The following SRRM1 variants were observed in gnomAD, a reference collection of about 807,000 sequenced individuals.
SRRM1 encodes serine and arginine repetitive matrix 1.
SRRM1 carries 19 observed loss-of-function variants against 110.2 expected under a neutral mutation model. The ratio of observed to expected loss-of-function variants is 0.17; its 90% CI spans 0.12 to 0.25. The LOEUF is 0.25. Ranked by LOEUF, SRRM1 falls within the 10% of genes least tolerant of loss-of-function variation. SRRM1 has a pLI of 1.00. For missense variants in SRRM1, 918 were observed against 1,145.8 expected, an observed-to-expected ratio of 0.80 and a Z score of 2.87; for synonymous variants, 443 against 414.9, an observed-to-expected ratio of 1.07 and a Z score of -0.82.
chr1:24,667,192 A>G (rs1040624483), intron 13 of SRRM1, among the ~76,000 whole-genome samples: 1 of 152,236 alleles, frequency 6.6e-6, no homozygotes, highest in Non-Finnish European at 1.5e-5. Flanking sequence ...AAAAGTCTAG[A>G]ATACACAAAT....
At chr1:24,666,043 A>G (rs1315968935) in intron 12 of SRRM1, among the ~76,000 whole-genome samples, 1 of 152,188 alleles carries the variant, frequency 6.6e-6, no homozygotes, top group Non-Finnish European at 1.5e-5. Context: ...TTGATTCCTA[A>G]TAAGGAATTA....
At chr1:24,657,954 GATTAATA>G (rs944861771) in intron 9 of SRRM1, among the ~76,000 whole-genome samples, 67 of 152,224 alleles carry the variant, frequency 4.4e-4, no homozygotes, top group African/African-American at 1.6e-3. Flanking sequence ...GCAGGTCTAA[GATTAATA>G]ATTAATAGGA....
rs1340860063 is a variant in SRRM1, at chr1:24,655,013, G to A, written c.1199G>A (p.Arg400Lys). The A allele has an allele frequency of 1.9e-6, 3 of 1,614,042 alleles. No individual in the cohort carries two copies. The highest frequency in any genetic ancestry group is 2.5e-6 in the Non-Finnish European group (3 of 1,180,040). Residue 400 changes from arginine to lysine, a missense_variant, in exon 9 of 17, where the codon AGG (arginine) becomes AAG (lysine). Around this residue, in one of 5 missense-constraint regions of SRRM1, gnomAD observed 456 missense variants for 453.5 expected, o/e 1.01. Coordinates refer to ENST00000323848, the MANE Select transcript of SRRM1 (RefSeq NM_005839.4). ...GCAAGTCCTCCAAGGCGAAGGCACA[G>A]GCCATCACCTCCTGCAACTCCACCA... Reference protein sequence around the residue: ...PSASPPRRRHRPSPPATPPPK... With the variant: ...PSASPPRRRHKPSPPATPPPK...
In SRRM1 at chr1:24,655,130, G is replaced by A; in HGVS notation, c.1315+1G>A. 1.2e-6 allele frequency: 2 copies of A among 1,613,506 alleles called. No individual in the cohort carries two copies. The highest frequency in any genetic ancestry group is 8.5e-7 in the Non-Finnish European group (1 of 1,179,652). The stretch of plus-strand genomic sequence containing the variant: ...TCTCCAGGGAGAACTTCAGGTAAAG[G>A]TAAAAATCAAACACATATGAAACAT... On this transcript the variant is annotated splice_donor_variant, in intron 9 of 16. Transcript: ENST00000323848. LOFTEE classifies it high-confidence loss of function.
At position 24,654,813 on chromosome 1, in the gene SRRM1, T is replaced by C. The variant is rs747265895; in HGVS notation, c.1041-42T>C. 4 of 1,611,108 alleles carry C rather than the reference T, an allele frequency of 2.5e-6. No homozygotes were observed. The African/African-American group carries it at 5.3e-5, about 22-fold the overall frequency. ...TGTTCATACCTGTAAGGCCGTTCTT[T>C]ATAAGTGTGCAATTAGTGAATATGA... On this transcript the variant is annotated intron_variant, in intron 8 of 16. Transcript: ENST00000323848.
chr1:24,666,687 C>T (rs1163781705), intron 12 of SRRM1, 128 bp from the exon 13 acceptor site: 15 of 654,776 alleles, frequency 2.3e-5, no homozygotes, highest in Non-Finnish European at 3.4e-5. Context: ...ATTGCTTGAA[C>T]CTGGGAGGCG....
At chr1:24,653,662 A>G (rs745563521) in intron 8 of SRRM1, among the ~76,000 whole-genome samples, 4 of 152,204 alleles carry the variant, frequency 2.6e-5, no homozygotes, top group South Asian at 2.1e-4. Flanking sequence ...TAAAATGAGC[A>G]TAAGATAAAA....
At chr1:24,645,417 A>G (rs146389668) in intron 1 of SRRM1, among the ~76,000 whole-genome samples, 38 of 152,342 alleles carry the variant, frequency 2.5e-4, no homozygotes, top group African/African-American at 8.2e-4. Context: ...CTAAGGTAGT[A>G]TTTGTAAGCT....
chr1:24,660,814 T>C lies in SRRM1; in HGVS notation c.1396+15T>C, dbSNP rs1199963948. On this transcript the variant is annotated intron_variant, in intron 10 of 16. Coordinates refer to ENST00000323848, the MANE Select transcript of SRRM1 (RefSeq NM_005839.4). ...ATCTGAATCGGGTAAGTTTGTTGTT[T>C]TTTTTTGTGATTTTGGTTTGTTTGT... The C allele has an allele frequency of 6.4e-7, 1 of 1,558,540 alleles. No individual in the cohort carries two copies. The highest frequency in any genetic ancestry group is 8.7e-7 in the Non-Finnish European group (1 of 1,152,720).
In SRRM1 at chr1:24,651,627, AT is replaced by A. The variant is rs765150675; in HGVS notation, c.725+17del. On this transcript the variant is annotated intron_variant, in intron 6 of 16. Transcript: ENST00000323848. ...ACTTCTACTAGGCAAGTATATAAAAATTCATTTATAAATAATCACAATTTTA... is the reference window on the plus strand; with the variant it reads ...ACTTCTACTAGGCAAGTATATAAAAATCATTTATAAATAATCACAATTTTA... 2.6e-6 allele frequency: 4 copies of A among 1,566,904 alleles called. No homozygotes were observed. The African/African-American group carries it at 5.5e-5, about 21-fold the overall frequency.
rs1218348831 is a variant in SRRM1, at chr1:24,661,392, A to G, written c.1479A>G (p.Ser493=). 4 of 1,611,986 alleles carry G rather than the reference A, an allele frequency of 2.5e-6. No individual in the cohort carries two copies. Among genetic ancestry groups the G allele is most frequent in the East Asian group, 4.5e-5 (2 of 44,850 alleles). Residue 493 remains serine (S), a synonymous_variant, in exon 11 of 17, where the codon TCA becomes TCG. Transcript: ENST00000323848. The stretch of plus-strand genomic sequence containing the variant: ...ACAGACGACAAAACCAGCAGTCTTC[A>G]TCTGGTATGGATGGTGATGAAAGTT... ...RQYRRQNQQS[S]SDSGSSSSSE...
chr1:24,654,665 T>A (rs1310818322), intron 8 of SRRM1, among the ~76,000 whole-genome samples, 190 bp from the exon 9 acceptor site: 1 of 152,204 alleles, frequency 6.6e-6, no homozygotes, highest in Non-Finnish European at 1.5e-5. Context: ...TTTATATTAA[T>A]CTCAGAACTA....
In SRRM1 at chr1:24,671,367, T is replaced by TG; in HGVS notation, c.2401-18dup. The TG allele has an allele frequency of 1.9e-6, 3 of 1,563,022 alleles. No homozygotes were observed. The highest frequency in any genetic ancestry group is 3.4e-4 in the Middle Eastern group (2 of 5,838). On this transcript the variant is annotated intron_variant, in intron 15 of 16. Transcript: ENST00000323848. Reference sequence around the variant, plus strand: ...CAGATTGATTATAAATGCTGGGTGTTGTTTTTTTTTCTTCCTAGAATTCAG... The same window carrying TG: ...CAGATTGATTATAAATGCTGGGTGTTGGTTTTTTTTTCTTCCTAGAATTCAG...
In SRRM1 at chr1:24,653,008, G is replaced by A; in HGVS notation, c.1016G>A (p.Arg339Lys). 1.2e-6 allele frequency: 2 copies of A among 1,613,774 alleles called. No homozygotes were observed. The highest frequency in any genetic ancestry group is 1.7e-6 in the Non-Finnish European group (2 of 1,179,812). ...PRRMPPPPRH[R>K]RSRSPVRRRR... ...AGAATGCCTCCTCCACCAAGGCATA[G>A]AAGGAGTAGATCTCCAGTAAGACGG... Residue 339 changes from arginine (R) to lysine (K), a missense_variant, in exon 8 of 17, where the codon AGA becomes AAA. Transcript: ENST00000323848.
At chr1:24,668,872 A>G (rs772881544) in intron 13 of SRRM1, among the ~76,000 whole-genome samples, 1 of 152,212 alleles carries the variant, frequency 6.6e-6, no homozygotes, top group Non-Finnish European at 1.5e-5. Context: ...AAAATTGCAA[A>G]TTTTTGTTAA....
rs371962003 is a variant in SRRM1, at chr1:24,669,455, C to T, written c.2072C>T (p.Pro691Leu). The change falls in exon 14 of 17, where the codon CCT (proline) becomes CTT (leucine). Residue 691 changes from proline (P) to leucine (L), a missense_variant. Transcript: ENST00000323848. The part of the protein sequence containing the change: ...RHSPSPRPRA[P>L]QTSSSPPPVR... The stretch of plus-strand genomic sequence containing the variant: ...TCGCCCTCACCACGGCCTCGAGCTC[C>T]TCAGACCTCCTCAAGTCCTCCACCC... 5.0e-6 allele frequency: 8 copies of T among 1,613,958 alleles called. No individual in the cohort carries two copies. In the African/African-American group the frequency reaches 1.1e-4, roughly 22 times the overall value.
chr1:24,661,017 C>A lies in SRRM1; in HGVS notation c.1396+218C>A, dbSNP rs1009105640. The A allele has an allele frequency of 4.9e-5, 26 of 536,008 alleles. No individual in the cohort carries two copies. In the Admixed American group the frequency reaches 9.0e-4, roughly 19 times the overall value. The allele number at this position is 536,008 out of a possible 1,614,324, so 33.2% of individuals were successfully genotyped here. On this transcript the variant is annotated intron_variant, in intron 10 of 16. Coordinates refer to ENST00000323848, the MANE Select transcript of SRRM1 (RefSeq NM_005839.4). Reference sequence around the variant, plus strand: ...TAACTTATCTGAGCCTTTCTTCTTTCATCTCCGAAATAGGGACAGTAGAGG... The same window carrying A: ...TAACTTATCTGAGCCTTTCTTCTTTAATCTCCGAAATAGGGACAGTAGAGG...
intron 12 of SRRM1, chr1:24,663,302 C>A: frequency 9.0e-7 from 1 of 1,112,920 alleles, no homozygotes; most frequent in Non-Finnish European, 1.3e-6. Flanking sequence ...TAGGTGACCT[C>A]ATCTCATTCT....
In SRRM1 at chr1:24,651,589, A is replaced by G. The variant is rs1660691275; in HGVS notation, c.702A>G (p.Ser234=). The G allele has an allele frequency of 7.4e-6, 12 of 1,612,052 alleles. No individual in the cohort carries two copies. Among genetic ancestry groups the G allele is most frequent in the Admixed American group, 1.7e-5 (1 of 59,782 alleles). The part of the protein sequence containing the change: ...PEPSVKVKEP[S]VQEATSTSDI... ...CTTCAGTGAAAGTAAAAGAACCTTC[A>G]GTACAAGAGGCTACTTCTACTAGGC... The change falls in exon 6 of 17, where the codon TCA becomes TCG. Residue 234 remains serine (S), a synonymous_variant. Transcript: ENST00000323848.
Sources: gnomAD v4.1 joint callset for allele counts (sites outside exome capture counted in the v4.1 genomes callset) on GRCh38, gnomAD v4.1.1 for gene constraint, gnomAD v4.1.1 regional missense constraint, MANE v1.5 for transcripts, NCBI Gene and HGNC (gene_info 2026-07-23, HGNC 2026-07-21) for gene names.